PRR16: variants seen among roughly 807,000 people sequenced by gnomAD.
The protein encoded by PRR16 is protein Largen.
A neutral mutation model predicts 18.2 loss-of-function variants in PRR16; 6 were observed. The ratio of observed to expected loss-of-function variants is 0.33; its 90% CI spans 0.18 to 0.65. The LOEUF is 0.65. Ranked by LOEUF, PRR16 falls within the 30% of genes least tolerant of loss-of-function variation. The probability of loss-of-function intolerance (pLI) is 0.74; values close to 1 mark genes in which losing one functional copy is unlikely to be tolerated. For synonymous variants in PRR16, 151 were observed against 147.8 expected (o/e 1.02, Z -0.16); for missense variants, 412 against 376.6 (o/e 1.09, Z -0.78).
rs535382857 is a variant in PRR16, at chr5:120,679,490, G to A, written c.160-6464G>A. ...AGATGTGCAATTATAAGGATATAGT[G>A]GATTCCTTTTCTAGGTGATTTATTT... On this transcript the variant is annotated intron_variant, in intron 1 of 1. Transcript: ENST00000407149. Among the ~76,000 whole-genome samples, 151 of 152,128 alleles carry A rather than the reference G, an allele frequency of 9.9e-4. No individual in the cohort carries two copies. In the Middle Eastern group the frequency reaches 0.014, roughly 14 times the overall value.
At chr5:120,734,639 C>G in the PRR16 span, among the ~76,000 whole-genome samples, 1 of 151,936 alleles carries the variant, frequency 6.6e-6, no homozygotes, top group Non-Finnish European at 1.5e-5. Flanking sequence ...ACATTTTTTT[C>G]TGACTTTATT....
At chr5:120,700,236 C>A in the PRR16 span, among the ~76,000 whole-genome samples, 145 of 152,082 alleles carry the variant, frequency 9.5e-4, 1 homozygote, top group African/African-American at 3.0e-3. Flanking sequence ...AAAATGGGGG[C>A]ATTGTCAGGA....
rs565764821 is a variant in PRR16 at position 120,559,413 on chromosome 5, C to T, written c.159+94768C>T. Among the ~76,000 whole-genome samples, 17 of 151,900 alleles carry T rather than the reference C, an allele frequency of 1.1e-4. No individual in the cohort carries two copies. In the South Asian group the frequency reaches 3.5e-3, roughly 32 times the overall value. On this transcript the variant is annotated intron_variant, in intron 1 of 1. Transcript: ENST00000407149. ...ACTTATTGAAGATTTATTGAAGATA[C>T]TGTCTTACCTAGTGTATATCCTTGG...
chr5:120,570,043 T>C (rs956294041), intron 1 of PRR16, among the ~76,000 whole-genome samples: 1 of 152,182 alleles, frequency 6.6e-6, no homozygotes, highest in African/African-American at 2.4e-5. Context: ...TTCTCTGTTA[T>C]TGTTTCTTGA....
chr5:120,768,007 C>T, the PRR16 span, among the ~76,000 whole-genome samples: 1 of 151,698 alleles, frequency 6.6e-6, no homozygotes, highest in Admixed American at 6.6e-5. Context: ...CAACCATCAC[C>T]ACAATCTAAT....
In PRR16 at chr5:120,646,048, T is replaced by TTTTATATATATATA. The variant is rs748781292; in HGVS notation, c.160-39905_160-39904insTTATATATATATAT. Among the ~76,000 whole-genome samples the TTTTATATATATATA allele has an allele frequency of 3.2e-4, 34 of 104,992 alleles. No individual in the cohort carries two copies. The East Asian group carries it at 5.8e-3, about 18-fold the overall frequency. 68.9% of individuals were successfully genotyped at this position (104,992 alleles called of 152,430 possible). ...CAAATTACAAAAAAAAATACATATT[T>TTTTATATATATATA]TATATATATATATATATATATATAT... On this transcript the variant is annotated intron_variant, in intron 1 of 1. Coordinates refer to ENST00000407149, the MANE Select transcript of PRR16 (RefSeq NM_001300783.2).
chr5:120,704,508 A>T, the PRR16 span, among the ~76,000 whole-genome samples: 1 of 152,226 alleles, frequency 6.6e-6, no homozygotes, highest in South Asian at 2.1e-4. Flanking sequence ...AAAAATTCTT[A>T]GCATTTTATG....
the PRR16 span, among the ~76,000 whole-genome samples, chr5:120,740,505 G>C: frequency 6.6e-6 from 1 of 151,984 alleles, no homozygotes; most frequent in African/African-American, 2.4e-5. Context: ...GTACTGTACT[G>C]TCACTTTTGT....
At chr5:120,527,361 T>G (rs976487656) in intron 1 of PRR16, among the ~76,000 whole-genome samples, 8 of 152,224 alleles carry the variant, frequency 5.3e-5, no homozygotes. Context: ...AATTGATTGC[T>G]AATGTTCATC....
At chr5:120,792,640 C>T in the PRR16 span, among the ~76,000 whole-genome samples, 2 of 152,028 alleles carry the variant, frequency 1.3e-5, no homozygotes, top group Non-Finnish European at 2.9e-5. Flanking sequence ...CTTGCTGGCC[C>T]CTATTCACAT....
intron 1 of PRR16, among the ~76,000 whole-genome samples, chr5:120,470,917 T>A (rs1326283317): frequency 1.3e-5 from 2 of 152,148 alleles, no homozygotes; most frequent in Non-Finnish European, 2.9e-5. Flanking sequence ...TATTTTTTTT[T>A]TAACATTTTC....
chr5:120,491,718 A>G (rs1230719481), intron 1 of PRR16, among the ~76,000 whole-genome samples: 1 of 151,910 alleles, frequency 6.6e-6, no homozygotes, highest in Non-Finnish European at 1.5e-5. Context: ...TAATTTTTGT[A>G]TTTTTATTAG....
intron 1 of PRR16, among the ~76,000 whole-genome samples, chr5:120,557,915 C>T (rs1021808025): frequency 1.9e-4 from 29 of 151,618 alleles, no homozygotes; most frequent in African/African-American, 2.4e-4. Flanking sequence ...AGGGGGAGGA[C>T]GTAAGGTGTT....
chr5:120,779,122 G>A, the PRR16 span, among the ~76,000 whole-genome samples: 8 of 152,016 alleles, frequency 5.3e-5, no homozygotes, highest in Non-Finnish European at 8.8e-5. Context: ...GATTCCGCAG[G>A]GTTTAATGCA....
the PRR16 span, among the ~76,000 whole-genome samples, chr5:120,746,199 A>T: frequency 6.6e-6 from 1 of 151,872 alleles, no homozygotes; most frequent in Non-Finnish European, 1.5e-5. Context: ...ACACTGAAAC[A>T]TGTTGCTGAA....
chr5:120,552,127 C>G (rs1317284886), intron 1 of PRR16, among the ~76,000 whole-genome samples: 1 of 151,916 alleles, frequency 6.6e-6, no homozygotes, highest in African/African-American at 2.4e-5. Flanking sequence ...AATGAGTGAA[C>G]CATTTTCAGA....
intron 1 of PRR16, among the ~76,000 whole-genome samples, chr5:120,505,132 T>G (rs1189753368): frequency 2.6e-5 from 4 of 152,226 alleles, no homozygotes; most frequent in African/African-American, 7.2e-5. Flanking sequence ...CCTTCTGCTT[T>G]CTTTCTTCTC....
At chr5:120,557,540 G>T (rs955999797) in intron 1 of PRR16, among the ~76,000 whole-genome samples, 3 of 151,734 alleles carry the variant, frequency 2.0e-5, no homozygotes, top group African/African-American at 7.2e-5. Flanking sequence ...ATATGCATTA[G>T]GTTTCAGAAG....
At chr5:120,494,902 T>C (rs141928717) in intron 1 of PRR16, among the ~76,000 whole-genome samples, 1 of 152,184 alleles carries the variant, frequency 6.6e-6, no homozygotes, top group African/African-American at 2.4e-5. Flanking sequence ...TCTCCACCTT[T>C]TTGTTGTACT....
Sources: allele counts gnomAD v4.1 joint callset (sites outside exome capture counted in the v4.1 genomes callset), GRCh38; gene constraint gnomAD v4.1.1; transcripts MANE v1.5; gene names NCBI Gene and HGNC (gene_info 2026-07-23, HGNC 2026-07-21).